Variants in ASNS observed in about 807,000 individuals in gnomAD.
ASNS encodes the protein asparagine synthetase [glutamine-hydrolyzing].
ASNS carries 37 observed loss-of-function variants against 62.6 expected under a neutral mutation model. The observed-to-expected ratio is 0.59, with a 90% CI of 0.45 to 0.78. ASNS has a LOEUF of 0.78. ASNS is among the 30% of genes least tolerant of loss of function. ASNS has a pLI of 0.00. For missense variants in ASNS, 520 were observed against 682.4 expected (o/e 0.76, Z 2.65); for synonymous variants, 207 against 237.9 (o/e 0.87, Z 1.19).
the ASNS span, among the ~76,000 whole-genome samples, chr7:97,885,166 C>T: frequency 6.6e-6 from 1 of 152,234 alleles, no homozygotes; most frequent in East Asian, 1.9e-4. Context: ...TGACTGGTTT[C>T]TTCCACTTAG....
chr7:97,853,373 C>T lies in ASNS; in HGVS notation c.1252G>A (p.Val418Ile). The part of the protein sequence containing the change: ...TTAAHGLELR[V>I]PFLDHRFSSY... Reference sequence around the variant, plus strand: ...GAAAATCGATGATCTAGAAATGGGACTCTCAGTTCAAGACTTAAAGGAGAA... The same window carrying T: ...GAAAATCGATGATCTAGAAATGGGATTCTCAGTTCAAGACTTAAAGGAGAA... Residue 418 changes from valine to isoleucine, a missense_variant, in exon 11 of 13, where the codon GTC becomes ATC. Physicochemically the swap from Val to Ile is conservative, Grantham distance 29. Transcript: ENST00000394308. 5.6e-6 allele frequency: 9 copies of T among 1,612,210 alleles called. No homozygotes were observed. Among genetic ancestry groups the T allele is most frequent in the Non-Finnish European group, 7.6e-6 (9 of 1,179,700 alleles).
Position 97,861,513 on chromosome 7 carries a change from C to T in ASNS, c.488-2115G>A, listed in dbSNP as rs142631141. Among the ~76,000 whole-genome samples the T allele has an allele frequency of 2.0e-5, 3 of 152,310 alleles. No individual in the cohort carries two copies. In the East Asian group the frequency reaches 5.8e-4, roughly 29 times the overall value. ...ATTTCTGACTCTCAATTCTATCCCA[C>T]TAGTCTATACATCTATCCTTCTGTC... On this transcript the variant is annotated intron_variant, in intron 4 of 12. Transcript: ENST00000394308.
At chr7:97,864,551 AT>A in intron 3 of ASNS, 55 bp from the exon 4 acceptor site, 2 of 1,236,372 alleles carry the variant, frequency 1.6e-6, no homozygotes, top group African/African-American at 1.5e-5. Context: ...TTCACTAATA[AT>A]TTTTTATTGC....
Position 97,862,218 on chromosome 7 carries a change from T to C in ASNS, c.487+2041A>G, listed in dbSNP as rs542582522. 7.9e-5 allele frequency among the ~76,000 whole-genome samples: 12 copies of C among 152,200 alleles called. No homozygotes were observed. In the South Asian group the frequency reaches 2.1e-3, roughly 26 times the overall value. On this transcript the variant is annotated intron_variant, in intron 4 of 12. Coordinates refer to ENST00000394308, the MANE Select transcript of ASNS (RefSeq NM_001673.5). Reference sequence around the variant, plus strand: ...CACCAACATGGCACATGTATACATATGTAACAAACCTGCACGTTATGCACA... The same window carrying C: ...CACCAACATGGCACATGTATACATACGTAACAAACCTGCACGTTATGCACA...
the ASNS span, among the ~76,000 whole-genome samples, chr7:97,878,279 C>G: frequency 6.6e-6 from 1 of 152,248 alleles, no homozygotes; most frequent in South Asian, 2.1e-4. Context: ...CAACCCAGCT[C>G]CCCAAGTGAG....
intron 4 of ASNS, chr7:97,863,931 C>A: frequency 4.2e-6 from 1 of 235,328 alleles, no homozygotes; most frequent in African/African-American, 2.3e-5. Context: ...GCGCAAAGTA[C>A]CACAATGCAA....
chr7:97,907,682 T>C, the ASNS span, among the ~76,000 whole-genome samples: 2 of 150,550 alleles, frequency 1.3e-5, no homozygotes, highest in Non-Finnish European at 2.9e-5. Context: ...GGAAGGAGAA[T>C]GGTGTGAACC....
intron 3 of ASNS, among the ~76,000 whole-genome samples, chr7:97,867,975 A>C (rs950668903): frequency 2.0e-5 from 3 of 152,236 alleles, no homozygotes; most frequent in African/African-American, 7.2e-5. Flanking sequence ...AAAAATACCA[A>C]GAAACATACC....
At chr7:97,909,005 T>C in the ASNS span, 1 of 152,296 alleles carries the variant, frequency 6.6e-6, no homozygotes, top group Middle Eastern at 3.4e-3. Context: ...TACATGTATT[T>C]TCCTTCCTAG....
the ASNS span, among the ~76,000 whole-genome samples, chr7:97,919,077 T>C: frequency 3.2e-4 from 49 of 152,290 alleles, no homozygotes; most frequent in African/African-American, 1.1e-3. Flanking sequence ...AAATATTTTT[T>C]TTTTGGAAAC....
At chr7:97,912,591 T>TTTTTTTTTC in the ASNS span, among the ~76,000 whole-genome samples, 19 of 79,382 alleles carry the variant, frequency 2.4e-4, 1 homozygote, top group African/African-American at 4.2e-4. Context: ...TTTTTTTTTT[T>TTTTTTTTTC]TTCTGTTTTC....
At chr7:97,904,123 T>C in the ASNS span, among the ~76,000 whole-genome samples, 2 of 152,216 alleles carry the variant, frequency 1.3e-5, no homozygotes, top group Admixed American at 1.3e-4. Context: ...TAAAATAACC[T>C]GGTCTTTATA....
At chr7:97,907,075 C>A in the ASNS span, among the ~76,000 whole-genome samples, 1 of 152,154 alleles carries the variant, frequency 6.6e-6, no homozygotes, top group Non-Finnish European at 1.5e-5. Flanking sequence ...AATATCTGGG[C>A]ACCCCACAAC....
chr7:97,925,534 G>A, the ASNS span, among the ~76,000 whole-genome samples: 3 of 152,112 alleles, frequency 2.0e-5, no homozygotes, highest in South Asian at 2.1e-4. Flanking sequence ...TACAATACAC[G>A]GGACGGCCCC....
At chr7:97,901,980 GAAA>G in the ASNS span, among the ~76,000 whole-genome samples, 4 of 147,504 alleles carry the variant, frequency 2.7e-5, no homozygotes, top group Non-Finnish European at 6.0e-5. Flanking sequence ...TGTCTCAAAA[GAAA>G]AAAAAAACCC....
the ASNS span, among the ~76,000 whole-genome samples, chr7:97,891,296 C>T: frequency 6.6e-6 from 1 of 152,216 alleles, no homozygotes; most frequent in Non-Finnish European, 1.5e-5. Context: ...GCCCCCATGA[C>T]TCAATTACTT....
the ASNS span, among the ~76,000 whole-genome samples, chr7:97,910,608 C>CTT: frequency 0.31 from 44,513 of 144,568 alleles, 8,071 homozygotes; most frequent in East Asian, 0.49. Flanking sequence ...CAGTGAGAGA[C>CTT]TTTTTTTTTT....
chr7:97,870,140 T>C (rs898127288), intron 1 of ASNS: 3 of 621,728 alleles, frequency 4.8e-6, no homozygotes, highest in Admixed American at 8.2e-5. Flanking sequence ...ATTTGGCTGC[T>C]GCCAGCTCAA....
chr7:97,918,481 T>C, the ASNS span, among the ~76,000 whole-genome samples: 1 of 152,296 alleles, frequency 6.6e-6, no homozygotes, highest in East Asian at 1.9e-4. Context: ...CATCCACACG[T>C]CAGAATAACT....
Sources: gnomAD v4.1 joint callset for allele counts (sites outside exome capture counted in the v4.1 genomes callset) on GRCh38, gnomAD v4.1.1 for gene constraint, MANE v1.5 for transcripts, NCBI Gene and HGNC (gene_info 2026-07-23, HGNC 2026-07-21) for gene names.